Variants in CDC42SE2 observed in about 807,000 individuals in gnomAD.
CDC42SE2 encodes the protein CDC42 small effector protein 2.
Under a neutral mutation model 11.5 loss-of-function variants are expected in CDC42SE2, and 3 were observed. The ratio of observed to expected loss-of-function variants is 0.26; its 90% CI spans 0.12 to 0.67. The LOEUF is 0.67. Among genes scored for constraint, CDC42SE2 ranks in the 30% least tolerant of loss-of-function variants. The pLI, the probability that CDC42SE2 is intolerant of heterozygous loss-of-function variation, is 0.80. For synonymous variants in CDC42SE2, 33 were observed against 34.8 expected (o/e 0.95, Z 0.18); for missense variants, 82 against 106.8 (o/e 0.77, Z 1.02).
intron 4 of CDC42SE2, among the ~76,000 whole-genome samples, chr5:131,388,139 C>G (rs868743296): frequency 5.9e-5 from 9 of 152,264 alleles, no homozygotes; most frequent in South Asian, 2.1e-4. Context: ...GGATTACAGG[C>G]TCCTGCCACC....
At chr5:131,346,931 A>G (rs182471908) in intron 2 of CDC42SE2, among the ~76,000 whole-genome samples, 1 of 152,362 alleles carries the variant, frequency 6.6e-6, no homozygotes, top group Admixed American at 6.5e-5. Context: ...TGAAGGCAGA[A>G]ATAAAGATGT....
chr5:131,301,827 A>G (rs897517349), intron 1 of CDC42SE2, among the ~76,000 whole-genome samples: 10 of 152,030 alleles, frequency 6.6e-5, no homozygotes, highest in African/African-American at 1.9e-4. Flanking sequence ...GCTAATTGCT[A>G]GCATAATGTA....
intron 2 of CDC42SE2, among the ~76,000 whole-genome samples, chr5:131,338,356 C>G (rs1758627326): frequency 6.6e-6 from 1 of 152,104 alleles, no homozygotes; most frequent in Non-Finnish European, 1.5e-5. Context: ...GGTCCCAACT[C>G]TAGTTTTGTA....
intron 2 of CDC42SE2, among the ~76,000 whole-genome samples, chr5:131,340,640 C>A (rs73786653): frequency 0.017 from 2,591 of 151,876 alleles, 74 homozygotes; most frequent in African/African-American, 0.059. Context: ...ACCACCTTCT[C>A]AGTTAACCAT....
intron 1 of CDC42SE2, among the ~76,000 whole-genome samples, chr5:131,269,225 G>T (rs1227612318): frequency 2.0e-5 from 3 of 152,114 alleles, no homozygotes. Flanking sequence ...AGAAGACTTG[G>T]TAATAAGTTG....
At position 131,391,591 on chromosome 5, in the gene CDC42SE2, G is replaced by C. The variant is rs1385988207; in HGVS notation, c.*500G>C. ...GGAGGCTGAGGCACGAGAATTGCTTGAACCTGGGAGGCAGGGGTTGCAGTC... is the reference window on the plus strand; with the variant it reads ...GGAGGCTGAGGCACGAGAATTGCTTCAACCTGGGAGGCAGGGGTTGCAGTC... On this transcript the variant is annotated 3_prime_UTR_variant, in exon 5 of 5. Transcript: ENST00000505065. The C allele has an allele frequency of 6.6e-6, 1 of 152,372 alleles. No individual in the cohort carries two copies. Among genetic ancestry groups the C allele is most frequent in the Non-Finnish European group, 1.5e-5 (1 of 68,160 alleles). The allele number at this position is 152,372 out of a possible 1,614,324, so 9.4% of individuals were successfully genotyped here. A position where few individuals can be genotyped will look rare whatever the true frequency, so the allele number is the denominator to read the frequency against.
Position 131,392,286 on chromosome 5 carries a change from C to G in CDC42SE2, c.*1195C>G, listed in dbSNP as rs530721411. The G allele has an allele frequency of 6.5e-6, 1 of 152,704 alleles. No homozygotes were observed. The highest frequency in any genetic ancestry group is 1.5e-5 in the Non-Finnish European group (1 of 68,018). 9.5% of individuals were successfully genotyped at this position (152,704 alleles called of 1,614,324 possible). ...TTGGAAGGTATGAGACCCACAAGCA[C>G]AATGATCATTTTTATTTGTTTGTTT... On this transcript the variant is annotated 3_prime_UTR_variant, in exon 5 of 5. Transcript: ENST00000505065.
At chr5:131,340,274 A>G (rs1226075318) in intron 2 of CDC42SE2, among the ~76,000 whole-genome samples, 2 of 152,198 alleles carry the variant, frequency 1.3e-5, no homozygotes, top group Admixed American at 1.3e-4. Flanking sequence ...AATTGCAGCC[A>G]TTTTGAGTAG....
At chr5:131,309,420 GTC>G (rs1163892275) in intron 1 of CDC42SE2, among the ~76,000 whole-genome samples, 2 of 152,094 alleles carry the variant, frequency 1.3e-5, no homozygotes, top group African/African-American at 4.8e-5. Flanking sequence ...TTTTGGTTGT[GTC>G]TCTGCGCGGC....
intron 1 of CDC42SE2, among the ~76,000 whole-genome samples, chr5:131,308,909 C>A (rs2149722151): frequency 6.6e-6 from 1 of 151,952 alleles, no homozygotes; most frequent in East Asian, 1.9e-4. Context: ...AATTTGACTT[C>A]CTCTTTTCCT....
intron 2 of CDC42SE2, among the ~76,000 whole-genome samples, chr5:131,321,504 T>C (rs188488185): frequency 6.6e-6 from 1 of 152,278 alleles, no homozygotes. Context: ...AAAATGGTAC[T>C]GATATTGCCT....
the CDC42SE2 span, among the ~76,000 whole-genome samples, chr5:131,232,929 A>G: frequency 6.6e-6 from 1 of 151,180 alleles, no homozygotes; most frequent in South Asian, 2.1e-4. Flanking sequence ...TAGGCTGCAC[A>G]CAGTAAAAAA....
intron 2 of CDC42SE2, among the ~76,000 whole-genome samples, chr5:131,316,348 G>A (rs1318866431): frequency 6.6e-6 from 1 of 152,138 alleles, no homozygotes; most frequent in Admixed American, 6.5e-5. Context: ...TTCCAGTTAG[G>A]CACATCCTTT....
chr5:131,293,800 T>C (rs1459284393), intron 1 of CDC42SE2, among the ~76,000 whole-genome samples: 1 of 152,230 alleles, frequency 6.6e-6, no homozygotes, highest in Admixed American at 6.5e-5. Context: ...CCCTTCCCAA[T>C]GAACAGTTTG....
chr5:131,238,269 G>A, the CDC42SE2 span, among the ~76,000 whole-genome samples: 4 of 151,898 alleles, frequency 2.6e-5, no homozygotes, highest in African/African-American at 9.7e-5. Context: ...AGACCGAGGC[G>A]GATGGATCGC....
the CDC42SE2 span, among the ~76,000 whole-genome samples, chr5:131,234,504 C>T: frequency 3.3e-5 from 5 of 151,758 alleles, no homozygotes; most frequent in African/African-American, 9.7e-5. Flanking sequence ...GGTGCAGTGG[C>T]GGGCGCCTGT....
At chr5:131,263,616 A>G (rs990335853), upstream of CDC42SE2, 10 of 152,262 alleles carry the variant, frequency 6.6e-5, no homozygotes, top group Admixed American at 1.3e-4. Context: ...TCATCCCACA[A>G]CCGCTCAGCA....
chr5:131,333,645 A>T (rs184953593), intron 2 of CDC42SE2, among the ~76,000 whole-genome samples: 1 of 152,120 alleles, frequency 6.6e-6, no homozygotes, highest in Admixed American at 6.5e-5. Flanking sequence ...TATTTCATTG[A>T]GCAATGGTTT....
At chr5:131,298,634 A>C (rs527625440) in intron 1 of CDC42SE2, among the ~76,000 whole-genome samples, 3 of 151,884 alleles carry the variant, frequency 2.0e-5, no homozygotes, top group African/African-American at 7.2e-5. Flanking sequence ...TTTTTAAACC[A>C]AAAATTGCCT....
Sources: allele counts gnomAD v4.1 joint callset (sites outside exome capture counted in the v4.1 genomes callset), GRCh38; gene constraint gnomAD v4.1.1; transcripts MANE v1.5; gene names NCBI Gene and HGNC (gene_info 2026-07-23, HGNC 2026-07-21).